FAM210A: variants seen among roughly 807,000 people sequenced by gnomAD.
The protein encoded by FAM210A is family with sequence similarity 210 member A.
Under a neutral mutation model 25.3 loss-of-function variants are expected in FAM210A, and 13 were observed. That is an observed-to-expected ratio of 0.51 (90% CI 0.33 to 0.82). The LOEUF (loss-of-function observed/expected upper bound fraction) is 0.82. Among genes scored for constraint, FAM210A ranks in the 40% least tolerant of loss-of-function variants. The pLI is 0.02. For synonymous variants in FAM210A, 125 were observed against 118.7 expected (o/e 1.05, Z -0.35); for missense variants, 319 against 323.2 (o/e 0.99, Z 0.10).
chr18:13,666,156 T>C lies in FAM210A; in HGVS notation c.*324A>G, dbSNP rs974209879. 2 of 273,554 alleles carry C rather than the reference T, an allele frequency of 7.3e-6. No homozygotes were observed. The highest frequency in any genetic ancestry group is 1.4e-5 in the Non-Finnish European group (2 of 143,276). The allele number at this position is 273,554 out of a possible 1,614,324, so 16.9% of individuals were successfully genotyped here. ...GATATTCAAGGAGTCAGCTGCCTAGTATGTGTCAATTACAGCTGCAACAAA... is the reference window on the plus strand; with the variant it reads ...GATATTCAAGGAGTCAGCTGCCTAGCATGTGTCAATTACAGCTGCAACAAA... On this transcript the variant is annotated 3_prime_UTR_variant, in exon 4 of 4. Transcript: ENST00000651643.
intron 1 of FAM210A, among the ~76,000 whole-genome samples, chr18:13,701,330 G>A (rs2043738001): frequency 6.6e-6 from 1 of 151,496 alleles, no homozygotes; most frequent in African/African-American, 2.4e-5. Flanking sequence ...AATCGAACTG[G>A]GTTCAGGATC....
At chr18:13,679,307 T>A (rs902855822) in intron 2 of FAM210A, among the ~76,000 whole-genome samples, 3 of 152,212 alleles carry the variant, frequency 2.0e-5, no homozygotes, top group African/African-American at 4.8e-5. Flanking sequence ...CAGAACTTTT[T>A]CCAGTTAAAA....
At chr18:13,707,974 G>A (rs2043792521) in intron 1 of FAM210A, among the ~76,000 whole-genome samples, 2 of 152,168 alleles carry the variant, frequency 1.3e-5, no homozygotes, top group South Asian at 4.1e-4. Flanking sequence ...GATTCTGGGG[G>A]CTGCCCAATT....
chr18:13,699,001 G>T (rs1375746012), intron 1 of FAM210A, among the ~76,000 whole-genome samples: 1 of 152,074 alleles, frequency 6.6e-6, no homozygotes, highest in Non-Finnish European at 1.5e-5. Flanking sequence ...CTAACAACAG[G>T]GACTCGCTAT....
chr18:13,702,655 T>C (rs1457803688), intron 1 of FAM210A, among the ~76,000 whole-genome samples: 6 of 152,220 alleles, frequency 3.9e-5, no homozygotes, highest in Non-Finnish European at 2.9e-5. Context: ...AATTAACTAC[T>C]CTAGACTCCT....
intron 1 of FAM210A, among the ~76,000 whole-genome samples, chr18:13,716,946 G>A (rs1475146941): frequency 1.3e-5 from 2 of 152,230 alleles, no homozygotes; most frequent in African/African-American, 4.8e-5. Context: ...TAAGGACAAA[G>A]CTGACATGGA....
Position 13,693,768 on chromosome 18 carries a change from AC to A in FAM210A, c.-28-11664del, listed in dbSNP as rs1363545758. Among the ~76,000 whole-genome samples, 13 of 31,352 alleles carry A rather than the reference AC, an allele frequency of 4.1e-4. No individual in the cohort carries two copies. In the East Asian group the frequency reaches 0.024, roughly 58 times the overall value. 20.6% of individuals were successfully genotyped at this position (31,352 alleles called of 152,430 possible). A position where few individuals can be genotyped will look rare whatever the true frequency, so the allele number is the denominator to read the frequency against. On this transcript the variant is annotated intron_variant, in intron 1 of 3. Transcript: ENST00000651643. ...CTCAAAATAATAAGAGCTATTTATG[AC>A]AATATCTACTGAATGAGCAAAAACT...
At chr18:13,689,252 T>C (rs1487960949) in intron 1 of FAM210A, among the ~76,000 whole-genome samples, 1 of 152,184 alleles carries the variant, frequency 6.6e-6, no homozygotes, top group Non-Finnish European at 1.5e-5. Context: ...GATGTGTCTG[T>C]AACTTGTGTT....
chr18:13,699,498 A>T (rs955978341), intron 1 of FAM210A, among the ~76,000 whole-genome samples: 10 of 152,228 alleles, frequency 6.6e-5, no homozygotes, highest in Admixed American at 5.9e-4. Context: ...GATTTTTCCA[A>T]AATCACTAGA....
intron 2 of FAM210A, among the ~76,000 whole-genome samples, chr18:13,677,827 G>A (rs951640049): frequency 1.3e-5 from 2 of 151,962 alleles, no homozygotes; most frequent in Middle Eastern, 3.2e-3. Context: ...TTATGATAAC[G>A]GTAGCGGTAA....
chr18:13,720,969 G>A (rs1261970046), intron 1 of FAM210A, among the ~76,000 whole-genome samples: 3 of 152,072 alleles, frequency 2.0e-5, no homozygotes, highest in Non-Finnish European at 4.4e-5. Context: ...AATTCCTCCT[G>A]TTTATAAGGA....
At chr18:13,689,625 C>G (rs1404170307) in intron 1 of FAM210A, among the ~76,000 whole-genome samples, 3 of 152,046 alleles carry the variant, frequency 2.0e-5, no homozygotes, top group Non-Finnish European at 4.4e-5. Flanking sequence ...CTACTGCCAC[C>G]GTGATTCAAC....
chr18:13,721,802 C>T (rs1345624678), intron 1 of FAM210A, among the ~76,000 whole-genome samples: 1 of 152,118 alleles, frequency 6.6e-6, no homozygotes, highest in Non-Finnish European at 1.5e-5. Flanking sequence ...CAAAATGACA[C>T]TTTGAGTGTC....
At chr18:13,706,904 T>C (rs2043782145) in intron 1 of FAM210A, among the ~76,000 whole-genome samples, 1 of 152,228 alleles carries the variant, frequency 6.6e-6, no homozygotes, top group Non-Finnish European at 1.5e-5. Flanking sequence ...ATTTAGCTCA[T>C]TCTTTGATCT....
intron 1 of FAM210A, among the ~76,000 whole-genome samples, chr18:13,683,145 A>G (rs979517248): frequency 2.6e-4 from 40 of 152,232 alleles, no homozygotes; most frequent in African/African-American, 9.4e-4. Context: ...TTCTGATGTA[A>G]AGACACTTTT....
At chr18:13,708,110 C>T (rs111599329) in intron 1 of FAM210A, among the ~76,000 whole-genome samples, 42 of 152,352 alleles carry the variant, frequency 2.8e-4, no homozygotes, top group South Asian at 4.1e-4. Context: ...TGCTGCGGTT[C>T]CCATTGTTTC....
chr18:13,684,206 C>T (rs2043577385), intron 1 of FAM210A, among the ~76,000 whole-genome samples: 1 of 152,052 alleles, frequency 6.6e-6, no homozygotes, highest in Non-Finnish European at 1.5e-5. Flanking sequence ...ACCAGTCTGG[C>T]CAACATGGTG....
At chr18:13,675,272 A>T (rs112757259) in intron 2 of FAM210A, among the ~76,000 whole-genome samples, 360 of 59,074 alleles carry the variant, frequency 6.1e-3, no homozygotes, top group East Asian at 0.011. Flanking sequence ...CATTATTTCC[A>T]GTTTCCTGAT....
At chr18:13,693,001 C>T (rs1227071714) in intron 1 of FAM210A, among the ~76,000 whole-genome samples, 1 of 152,040 alleles carries the variant, frequency 6.6e-6, no homozygotes, top group African/African-American at 2.4e-5. Flanking sequence ...AGACTGCTAG[C>T]AAGACTAATA....
Sources: allele counts gnomAD v4.1 joint callset (sites outside exome capture counted in the v4.1 genomes callset), GRCh38; gene constraint gnomAD v4.1.1; transcripts MANE v1.5; gene names NCBI Gene and HGNC (gene_info 2026-07-23, HGNC 2026-07-21).